Variants in PAPSS1 observed in about 807,000 individuals in gnomAD.
PAPSS1 encodes the protein bifunctional 3'-phosphoadenosine 5'-phosphosulfate synthase 1.
PAPSS1 carries 50 observed loss-of-function variants against 72.0 expected under a neutral mutation model. The observed-to-expected ratio is 0.69, with a 90% CI of 0.55 to 0.88. The LOEUF is 0.88. Among genes scored for constraint, PAPSS1 ranks in the 40% least tolerant of loss-of-function variants. The pLI is 0.00. For missense variants in PAPSS1, 657 were observed against 782.2 expected (o/e 0.84, Z 1.91); for synonymous variants, 261 against 263.6 (o/e 0.99, Z 0.09).
chr4:107,682,752 A>G (rs150607552), intron 4 of PAPSS1, among the ~76,000 whole-genome samples: 93 of 152,320 alleles, frequency 6.1e-4, no homozygotes, highest in African/African-American at 2.2e-3. Context: ...TTTTTTCTCA[A>G]TGCAAAAACT....
intron 5 of PAPSS1, among the ~76,000 whole-genome samples, chr4:107,679,066 G>T (rs1727734094): frequency 6.6e-6 from 1 of 152,096 alleles, no homozygotes; most frequent in Non-Finnish European, 1.5e-5. Flanking sequence ...GCCTCCCAGG[G>T]TGAAAGCAGA....
Position 107,701,116 on chromosome 4 carries a change from G to A in PAPSS1, c.175+55C>T, listed in dbSNP as rs34108119. On this transcript the variant is annotated intron_variant, in intron 2 of 11. Transcript: ENST00000265174. ...TTAAATATGCTTACGCCTAGTCCAA[G>A]GTTACCTATATGCACTGCTTTTAAA... is the stretch of plus-strand genomic sequence containing the variant. 1.3e-3 allele frequency: 1,451 copies of A among 1,140,118 alleles called. 14 individuals carry two copies. The African/African-American group carries it at 0.019, about 15-fold the overall frequency. 70.6% of individuals were successfully genotyped at this position (1,140,118 alleles called of 1,614,324 possible).
At chr4:107,673,963 G>T (rs1468947195) in intron 5 of PAPSS1, among the ~76,000 whole-genome samples, 1 of 152,126 alleles carries the variant, frequency 6.6e-6, no homozygotes, top group East Asian at 1.9e-4. Flanking sequence ...CATAAGTGAA[G>T]GAGAAATAAA....
At chr4:107,703,175 T>C (rs1723248393) in intron 1 of PAPSS1, among the ~76,000 whole-genome samples, 1 of 152,210 alleles carries the variant, frequency 6.6e-6, no homozygotes, top group Non-Finnish European at 1.5e-5. Flanking sequence ...TTTAGGAATG[T>C]CTATTCAGAT....
intron 4 of PAPSS1, among the ~76,000 whole-genome samples, chr4:107,685,915 C>A (rs1357223803): frequency 6.6e-6 from 1 of 152,180 alleles, no homozygotes; most frequent in Non-Finnish European, 1.5e-5. Context: ...GCTGGGAAGG[C>A]AAACTTAAAA....
intron 5 of PAPSS1, among the ~76,000 whole-genome samples, chr4:107,676,486 A>G (rs1229032183): frequency 2.6e-5 from 4 of 152,234 alleles, no homozygotes; most frequent in Non-Finnish European, 4.4e-5. Flanking sequence ...AGGGATGTGA[A>G]AGACCTCTTC....
intron 1 of PAPSS1, among the ~76,000 whole-genome samples, chr4:107,708,428 G>C (rs1355021916): frequency 6.6e-6 from 1 of 152,180 alleles, no homozygotes; most frequent in Non-Finnish European, 1.5e-5. Context: ...TGCCTATACT[G>C]GTAGAACCTG....
intron 9 of PAPSS1, 57 bp downstream of exon 9, chr4:107,653,434 C>T (rs1329469750): frequency 4.6e-6 from 7 of 1,524,396 alleles, no homozygotes; most frequent in South Asian, 1.3e-5. Context: ...TGGAAAAAAT[C>T]GTCTAGAACT....
Position 107,687,090 on chromosome 4 carries a change from G to A in PAPSS1, c.499C>T (p.Gln167Ter). Residue 167 changes from glutamine (Q) to a stop codon, truncating the protein, a stop_gained, in exon 4 of 12, where the codon CAG (glutamine) becomes TAG (stop). Transcript: ENST00000265174. LOFTEE classifies it high-confidence loss of function. ...FVDAPLHVCE[Q>*]RDVKGLYKKA... ...TTGTAGAGTCCTTTGACATCCCTCT[G>A]TTCACAAACATGCAGAGGAGCATCA... The A allele has an allele frequency of 6.2e-7, 1 of 1,602,766 alleles. No homozygotes were observed. The highest frequency in any genetic ancestry group is 8.5e-7 in the Non-Finnish European group (1 of 1,176,154).
At chr4:107,676,478 G>A (rs1727652716) in intron 5 of PAPSS1, among the ~76,000 whole-genome samples, 1 of 152,090 alleles carries the variant, frequency 6.6e-6, no homozygotes, top group Admixed American at 6.6e-5. Context: ...AGCTTACAAG[G>A]GATGTGAAAG....
chr4:107,670,256 T>A (rs746184632), intron 5 of PAPSS1, among the ~76,000 whole-genome samples: 4 of 152,182 alleles, frequency 2.6e-5, no homozygotes, highest in Non-Finnish European at 2.9e-5. Flanking sequence ...AATGAAACTG[T>A]CCAATCATCA....
Position 107,712,484 on chromosome 4 carries a change from A to G in PAPSS1, c.60+7636T>C, listed in dbSNP as rs1723518476. Among the ~76,000 whole-genome samples, 4 of 152,230 alleles carry G rather than the reference A, an allele frequency of 2.6e-5. No homozygotes were observed. In the South Asian group the frequency reaches 8.3e-4, roughly 32 times the overall value. On this transcript the variant is annotated intron_variant, in intron 1 of 11. Transcript: ENST00000265174. ...GGTTGAAATTAACTATTAAAACCAC[A>G]TAAGACTAACCACAAAAACTTATGC...
At chr4:107,615,691 T>C (rs981025824) in intron 11 of PAPSS1, among the ~76,000 whole-genome samples, 2 of 152,156 alleles carry the variant, frequency 1.3e-5, no homozygotes, top group South Asian at 4.1e-4. Flanking sequence ...AAGATGCTCA[T>C]GATGTGATTA....
intron 2 of PAPSS1, among the ~76,000 whole-genome samples, chr4:107,700,910 G>C (rs1177526786): frequency 6.6e-6 from 1 of 152,116 alleles, no homozygotes; most frequent in Non-Finnish European, 1.5e-5. Context: ...TTTGCACTCA[G>C]AAGTGTGTAG....
intron 10 of PAPSS1, among the ~76,000 whole-genome samples, chr4:107,639,133 A>T (rs371770210): frequency 1.3e-5 from 2 of 152,362 alleles, no homozygotes; most frequent in African/African-American, 4.8e-5. Context: ...AGAAACAAGC[A>T]AGAACAAATT....
intron 9 of PAPSS1, among the ~76,000 whole-genome samples, chr4:107,653,123 ATG>A (rs1726897612): frequency 1.0e-5 from 1 of 99,642 alleles, no homozygotes; most frequent in African/African-American, 3.0e-5. Context: ...GAATATATAC[ATG>A]AATATATATG....
chr4:107,623,386 C>T (rs986714458), intron 11 of PAPSS1, among the ~76,000 whole-genome samples: 10 of 152,224 alleles, frequency 6.6e-5, no homozygotes, highest in Non-Finnish European at 1.0e-4. Context: ...TAAGTCGAGA[C>T]CTAGGACACT....
At chr4:107,663,314 C>A (rs370350933) in intron 5 of PAPSS1, among the ~76,000 whole-genome samples, 3 of 152,072 alleles carry the variant, frequency 2.0e-5, no homozygotes, top group African/African-American at 7.2e-5. Context: ...TATTTAAGAT[C>A]TGAGTTCCAA....
At chr4:107,703,263 T>C (rs1376437020) in intron 1 of PAPSS1, among the ~76,000 whole-genome samples, 1 of 152,180 alleles carries the variant, frequency 6.6e-6, no homozygotes, top group Admixed American at 6.5e-5. Context: ...TAACCCCTTA[T>C]CAGATGTATG....
Sources: allele counts gnomAD v4.1 joint callset (sites outside exome capture counted in the v4.1 genomes callset), GRCh38; gene constraint gnomAD v4.1.1; transcripts MANE v1.5; gene names NCBI Gene and HGNC (gene_info 2026-07-23, HGNC 2026-07-21).